NFIX: variants seen among roughly 807,000 people sequenced by gnomAD.
NFIX encodes the protein nuclear factor I X.
In NFIX, 2 loss-of-function variants were observed where a neutral mutation model predicts 53.3. That is an observed-to-expected ratio of 0.04 (90% CI 0.02 to 0.12). The LOEUF (loss-of-function observed/expected upper bound fraction) is 0.12, where lower values mean the gene tolerates loss of function less well. Ranked by LOEUF, NFIX falls within the 10% of genes least tolerant of loss-of-function variation. NFIX has a pLI of 1.00. For synonymous variants in NFIX, 244 were observed against 289.0 expected, an observed-to-expected ratio of 0.84 and a Z score of 1.58; for missense variants, 310 against 674.5, an observed-to-expected ratio of 0.46 and a Z score of 5.99.
intron 1 of NFIX, among the ~76,000 whole-genome samples, chr19:13,023,362 C>T (rs967747338): frequency 6.7e-6 from 1 of 149,476 alleles, no homozygotes; most frequent in African/African-American, 2.5e-5. Flanking sequence ...CTCTTTTGCA[C>T]GCGTCTGCCA....
At chr19:13,004,161 C>A (rs527844656) in intron 1 of NFIX, among the ~76,000 whole-genome samples, 2 of 152,178 alleles carry the variant, frequency 1.3e-5, no homozygotes, top group African/African-American at 4.8e-5. Flanking sequence ...AATGGAACCC[C>A]TCAACCCTCG....
intron 8 of NFIX, chr19:13,082,469 A>G (rs898815952): frequency 1.5e-4 from 23 of 152,228 alleles, no homozygotes; most frequent in African/African-American, 5.6e-4. Context: ...GAAAGCCCCG[A>G]TCCACATAGC....
intron 2 of NFIX, among the ~76,000 whole-genome samples, chr19:13,059,934 C>T (rs924128698): frequency 5.3e-5 from 8 of 151,860 alleles, no homozygotes; most frequent in Non-Finnish European, 8.8e-5. Flanking sequence ...GAGGCATGTG[C>T]CACCACACCC....
rs984392444 is a variant in NFIX at position 13,088,670 on chromosome 19, C to A, written c.1402+534C>A. On this transcript the variant is annotated intron_variant, in intron 9 of 10. Coordinates refer to ENST00000592199, the MANE Select transcript of NFIX (RefSeq NM_001365902.3). This position sits in a 1 kb window ranked among gnomAD's most constrained non-coding sequence, Gnocchi z 5.9. The stretch of plus-strand genomic sequence containing the variant: ...AAAGACGCAGCAGGCCAGCCCGACC[C>A]CTTCCCCCTCAGTCTCACATTTGGT... Among the ~76,000 whole-genome samples, 2 of 151,920 alleles carry A rather than the reference C, an allele frequency of 1.3e-5. No homozygotes were observed. Among genetic ancestry groups the A allele is most frequent in the African/African-American group, 4.8e-5 (2 of 41,346 alleles).
In NFIX at chr19:13,081,780, C is replaced by T. The variant is rs1420307715; in HGVS notation, c.1179C>T (p.His393=). The T allele has an allele frequency of 1.9e-6, 3 of 1,613,930 alleles. No homozygotes were observed. Among genetic ancestry groups the T allele is most frequent in the Non-Finnish European group, 2.5e-6 (3 of 1,179,916 alleles). Residue 393 remains histidine, a synonymous_variant, in exon 8 of 11, where the codon CAC becomes CAT. Transcript: ENST00000592199. This position sits in a 1 kb window ranked among gnomAD's most constrained non-coding sequence, Gnocchi z 4.7. ...YFTHPTIRYH[H]HHGQDSLKEF... ...CGCACCCGACCATCCGCTACCACCA[C>T]CACCACGGGCAGGACTCACTGAAGG... is the stretch of plus-strand genomic sequence containing the variant.
At position 13,081,976 on chromosome 19, in the gene NFIX, GGAGC is replaced by G; in HGVS notation, c.1254+122_1254+125del. ...AGCCCACCTGGGGCTGGAGCAGCAG[GGAGC>G]TGGTAGTACCAAACGCCTCGATTTT... On this transcript the variant is annotated intron_variant, in intron 8 of 10. Transcript: ENST00000592199. The surrounding 1 kb of genome is among the most constrained non-coding windows in gnomAD (Gnocchi z 4.7). The G allele has an allele frequency of 2.5e-6, 3 of 1,191,838 alleles. No homozygotes were observed. Among genetic ancestry groups the G allele is most frequent in the South Asian group, 1.4e-5 (1 of 70,810 alleles). 73.8% of individuals were successfully genotyped at this position (1,191,838 alleles called of 1,614,324 possible). A position where few individuals can be genotyped will look rare whatever the true frequency, so the allele number is the denominator to read the frequency against.
chr19:13,019,509 C>T (rs1319261059), intron 1 of NFIX, among the ~76,000 whole-genome samples: 2 of 151,870 alleles, frequency 1.3e-5, no homozygotes, highest in Non-Finnish European at 2.9e-5. Flanking sequence ...CCATCTTTGT[C>T]CTTCTTTCTT....
chr19:13,080,625 G>A (rs1385134258), intron 7 of NFIX, among the ~76,000 whole-genome samples: 2 of 152,028 alleles, frequency 1.3e-5, no homozygotes, highest in African/African-American at 4.8e-5. Context: ...GACTGCTTGA[G>A]GCCAGGAGTT....
At position 13,096,635 on chromosome 19, in the gene NFIX, C is replaced by T. The variant is rs2018479881; in HGVS notation, c.*1986C>T. 1 of 152,278 alleles carries T rather than the reference C, an allele frequency of 6.6e-6. No homozygotes were observed. Among genetic ancestry groups the T allele is most frequent in the Admixed American group, 6.5e-5 (1 of 15,276 alleles). The allele number at this position is 152,278 out of a possible 1,614,324, so 9.4% of individuals were successfully genotyped here. Reference sequence around the variant, plus strand: ...GGGTGGGCCGGGCGTGACGCGCGGTCAAAGTGCAATGATTTTTCAGTTCGG... The same window carrying T: ...GGGTGGGCCGGGCGTGACGCGCGGTTAAAGTGCAATGATTTTTCAGTTCGG... On this transcript the variant is annotated 3_prime_UTR_variant, in exon 11 of 11. Coordinates refer to ENST00000592199, the MANE Select transcript of NFIX (RefSeq NM_001365902.3).
chr19:13,046,013 C>T (rs961238870), intron 2 of NFIX, among the ~76,000 whole-genome samples: 1 of 152,224 alleles, frequency 6.6e-6, no homozygotes, highest in African/African-American at 2.4e-5. Context: ...CTCCCCAACA[C>T]ACATCTGGCC....
rs1432110715 is a variant in NFIX, at chr19:13,028,104, A to G, written c.559+2552A>G. 6.6e-6 allele frequency among the ~76,000 whole-genome samples: 1 copy of G among 152,178 alleles called. No individual in the cohort carries two copies. Among genetic ancestry groups the G allele is most frequent in the African/African-American group, 2.4e-5 (1 of 41,448 alleles). On this transcript the variant is annotated intron_variant, in intron 2 of 10. Transcript: ENST00000592199. The surrounding 1 kb of genome is among the most constrained non-coding windows in gnomAD (Gnocchi z 4.2). ...TGGCTTGCTTCCTCCTTGAGCTGGC[A>G]AGAAATAAAAACATTTCTTGCTTTG...
intron 2 of NFIX, among the ~76,000 whole-genome samples, chr19:13,047,636 G>A (rs2015070360): frequency 6.6e-6 from 1 of 152,150 alleles, no homozygotes; most frequent in Non-Finnish European, 1.5e-5. Context: ...AGAACTGTGG[G>A]CAGGGTTATT....
chr19:13,017,774 C>T (rs540646000), intron 1 of NFIX, among the ~76,000 whole-genome samples: 4 of 152,342 alleles, frequency 2.6e-5, no homozygotes, highest in South Asian at 2.1e-4. Flanking sequence ...CATCTTCACG[C>T]GCTGGTCTCT....
In NFIX at chr19:13,001,953, G is replaced by A. The variant is rs1190925052; in HGVS notation, c.27+6089G>A. ...CGTTGTGCGGCAGCGAGGTGCGGGCGTGTGTTCGGGCCGCCCACAGGCCTC... is the reference window on the plus strand; with the variant it reads ...CGTTGTGCGGCAGCGAGGTGCGGGCATGTGTTCGGGCCGCCCACAGGCCTC... On this transcript the variant is annotated intron_variant, in intron 1 of 10. Coordinates refer to ENST00000592199, the MANE Select transcript of NFIX (RefSeq NM_001365902.3). The surrounding 1 kb of genome is among the most constrained non-coding windows in gnomAD (Gnocchi z 6.5). Among the ~76,000 whole-genome samples, 3 of 152,216 alleles carry A rather than the reference G, an allele frequency of 2.0e-5. No homozygotes were observed. The highest frequency in any genetic ancestry group is 4.8e-5 in the African/African-American group (2 of 41,452).
In NFIX at chr19:12,998,684, G is replaced by C. The variant is rs1271894860; in HGVS notation, c.27+2820G>C. ...TACACCACCATCACCGCCAAGATGG[G>C]GATGTAAGTGTCCTGTTCACACCGA... On this transcript the variant is annotated intron_variant, in intron 1 of 10. Coordinates refer to ENST00000592199, the MANE Select transcript of NFIX (RefSeq NM_001365902.3). The surrounding 1 kb of genome is among the most constrained non-coding windows in gnomAD (Gnocchi z 4.4). Among the ~76,000 whole-genome samples, 1 of 151,786 alleles carries C rather than the reference G, an allele frequency of 6.6e-6. No individual in the cohort carries two copies. Among genetic ancestry groups the C allele is most frequent in the African/African-American group, 2.4e-5 (1 of 41,080 alleles).
chr19:13,020,054 C>A (rs1287415432), intron 1 of NFIX, among the ~76,000 whole-genome samples: 3 of 152,030 alleles, frequency 2.0e-5, no homozygotes, highest in Non-Finnish European at 4.4e-5. Flanking sequence ...TGAACTCTTA[C>A]ACTTGCCAGT....
At chr19:13,015,790 T>TCACACA (rs5827172) in intron 1 of NFIX, among the ~76,000 whole-genome samples, 8 of 132,052 alleles carry the variant, frequency 6.1e-5, no homozygotes, top group Admixed American at 5.6e-4. Flanking sequence ...CATAGAGAGA[T>TCACACA]CACACACACA....
rs951799900 is a variant in NFIX at position 13,068,701 on chromosome 19, T to C, written c.560-4346T>C. On this transcript the variant is annotated intron_variant, in intron 2 of 10. Coordinates refer to ENST00000592199, the MANE Select transcript of NFIX (RefSeq NM_001365902.3). This position sits in a 1 kb window ranked among gnomAD's most constrained non-coding sequence, Gnocchi z 4.2. ...CTTCAGCAGAGCCCACTTGGGCCCA[T>C]GCGGAGGGAGTCCAGTCTTATTGCC... Among the ~76,000 whole-genome samples, 8 of 152,240 alleles carry C rather than the reference T, an allele frequency of 5.3e-5. No individual in the cohort carries two copies. Among genetic ancestry groups the C allele is most frequent in the Non-Finnish European group, 1.0e-4 (7 of 68,042 alleles).
At chr19:13,039,014 C>T (rs2014414224) in intron 2 of NFIX, among the ~76,000 whole-genome samples, 2 of 152,140 alleles carry the variant, frequency 1.3e-5, no homozygotes, top group African/African-American at 4.8e-5. Flanking sequence ...ACAGTGCTGG[C>T]TCCGAACACA....
Sources: gnomAD v4.1 joint callset for allele counts (sites outside exome capture counted in the v4.1 genomes callset) on GRCh38, gnomAD v4.1.1 for gene constraint, Gnocchi (gnomAD v3.1) non-coding constraint, MANE v1.5 for transcripts, NCBI Gene and HGNC (gene_info 2026-07-23, HGNC 2026-07-21) for gene names.